BICD1: variants seen among roughly 807,000 people sequenced by gnomAD.
BICD1 encodes protein bicaudal D homolog 1.
Under a neutral mutation model 92.5 loss-of-function variants are expected in BICD1, and 35 were observed. The ratio of observed to expected loss-of-function variants is 0.38; its 90% CI spans 0.29 to 0.50. BICD1 has a LOEUF of 0.50. Among genes scored for constraint, BICD1 ranks in the 20% least tolerant of loss-of-function variants. The probability of loss-of-function intolerance (pLI) is 0.93; values close to 1 mark genes in which losing one functional copy is unlikely to be tolerated. For synonymous variants in BICD1, 429 were observed against 465.1 expected (o/e 0.92, Z 1.00); for missense variants, 950 against 1,189.8 (o/e 0.80, Z 2.97).
chr12:32,356,167 G>A (rs1343352874), intron 8 of BICD1, among the ~76,000 whole-genome samples: 2 of 152,180 alleles, frequency 1.3e-5, no homozygotes, highest in African/African-American at 4.8e-5. Flanking sequence ...AACCCTGCAA[G>A]ATTGGTATTT....
chr12:32,284,697 A>T (rs814243), intron 2 of BICD1, among the ~76,000 whole-genome samples: 2 of 151,950 alleles, frequency 1.3e-5, no homozygotes, highest in Non-Finnish European at 2.9e-5. Context: ...GGTTCCCCAG[A>T]TTGCTTTGTT....
intron 4 of BICD1, among the ~76,000 whole-genome samples, chr12:32,308,262 G>A (rs932961769): frequency 1.1e-4 from 17 of 152,172 alleles, no homozygotes; most frequent in South Asian, 1.0e-3. Context: ...AAGGTTTAGC[G>A]TCTCTGATCC....
At chr12:32,317,234 GCT>G (rs1948528870) in intron 4 of BICD1, among the ~76,000 whole-genome samples, 1 of 152,166 alleles carries the variant, frequency 6.6e-6, no homozygotes, top group Non-Finnish European at 1.5e-5. Flanking sequence ...TAATGGGATG[GCT>G]GGGTCAAATG....
intron 8 of BICD1, among the ~76,000 whole-genome samples, chr12:32,348,706 T>G (rs1938724283): frequency 7.0e-6 from 1 of 143,776 alleles, no homozygotes; most frequent in Admixed American, 7.5e-5. Context: ...GAAATGATGC[T>G]TTCTAGCTCA....
At chr12:32,264,396 G>C (rs1415218430) in intron 2 of BICD1, among the ~76,000 whole-genome samples, 2 of 152,140 alleles carry the variant, frequency 1.3e-5, no homozygotes, top group Non-Finnish European at 2.9e-5. Context: ...TGAATGATTG[G>C]CTATATGTTT....
chr12:32,229,548 C>T (rs186444041), intron 2 of BICD1, among the ~76,000 whole-genome samples: 3 of 152,206 alleles, frequency 2.0e-5, no homozygotes, highest in East Asian at 1.9e-4. Context: ...TCAAACAAGA[C>T]GAGGACATAT....
At chr12:32,201,583 T>C (rs1479330472) in intron 1 of BICD1, among the ~76,000 whole-genome samples, 1 of 152,216 alleles carries the variant, frequency 6.6e-6, no homozygotes, top group Non-Finnish European at 1.5e-5. Context: ...TGAAATGTAT[T>C]ACTTTCAAAC....
chr12:32,117,654 CTT>C (rs1317362355), intron 1 of BICD1, among the ~76,000 whole-genome samples: 1 of 146,926 alleles, frequency 6.8e-6, no homozygotes, highest in African/African-American at 2.5e-5. Flanking sequence ...ATGTGCATGA[CTT>C]TATATTTTGT....
intron 1 of BICD1, among the ~76,000 whole-genome samples, chr12:32,208,574 A>C (rs1945127219): frequency 6.6e-6 from 1 of 152,098 alleles, no homozygotes; most frequent in South Asian, 2.1e-4. Context: ...GGGAGGCCTC[A>C]TGTCTCCTAT....
intron 1 of BICD1, among the ~76,000 whole-genome samples, chr12:32,201,842 C>A (rs1290870480): frequency 6.6e-6 from 1 of 151,518 alleles, no homozygotes; most frequent in Non-Finnish European, 1.5e-5. Context: ...TTATAATAGT[C>A]AGAAAATGTG....
chr12:32,328,484 C>T lies in BICD1; in HGVS notation c.2029C>T (p.Leu677=). ...KEALMEEILK[L]KSLLSTKREQ... ...AGCCTTAATGGAAGAGATCCTCAAG[C>T]TAAAGTCCCTGCTGAGCACCAAACG... Residue 677 remains leucine (L), a synonymous_variant, in exon 5 of 10, where the codon CTA becomes TTA. Transcript: ENST00000652176. The surrounding 1 kb of genome is among the most constrained non-coding windows in gnomAD (Gnocchi z 4.4). 1.2e-6 allele frequency: 2 copies of T among 1,614,214 alleles called. No homozygotes were observed. Among genetic ancestry groups the T allele is most frequent in the Non-Finnish European group, 8.5e-7 (1 of 1,180,046 alleles).
chr12:32,180,164 G>T (rs986549234), intron 1 of BICD1, among the ~76,000 whole-genome samples: 4 of 151,776 alleles, frequency 2.6e-5, no homozygotes, highest in African/African-American at 9.7e-5. Flanking sequence ...GTTAAGTATA[G>T]ATGTGGCCGT....
intron 1 of BICD1, among the ~76,000 whole-genome samples, chr12:32,121,857 A>G (rs963310715): frequency 4.7e-5 from 7 of 147,758 alleles, no homozygotes; most frequent in Non-Finnish European, 8.9e-5. Context: ...TCTCTTGCCC[A>G]GGCTGGAGTG....
chr12:32,233,781 G>C (rs1945974928), intron 2 of BICD1, among the ~76,000 whole-genome samples: 1 of 152,084 alleles, frequency 6.6e-6, no homozygotes, highest in Non-Finnish European at 1.5e-5. Context: ...CATTCCATCT[G>C]GGATGCTTAC....
chr12:32,107,571 C>T, intron 1 of BICD1, 27 bp downstream of exon 1: 1 of 1,554,578 alleles, frequency 6.4e-7, no homozygotes, highest in Non-Finnish European at 8.7e-7. Flanking sequence ...CTCTCCCTTT[C>T]CTGGCCCTCA....
At chr12:32,154,761 A>T (rs1195076740) in intron 1 of BICD1, among the ~76,000 whole-genome samples, 1 of 152,194 alleles carries the variant, frequency 6.6e-6, no homozygotes, top group Non-Finnish European at 1.5e-5. Context: ...ATCAAAGTAG[A>T]TGTTCATTTT....
chr12:32,255,396 A>G (rs1284817985), intron 2 of BICD1, among the ~76,000 whole-genome samples: 1 of 152,162 alleles, frequency 6.6e-6, no homozygotes, highest in East Asian at 1.9e-4. Context: ...TGTGCCAGTC[A>G]TCTGGACAGA....
At chr12:32,263,752 A>T (rs1946919919) in intron 2 of BICD1, among the ~76,000 whole-genome samples, 1 of 152,164 alleles carries the variant, frequency 6.6e-6, no homozygotes, top group Non-Finnish European at 1.5e-5. Flanking sequence ...GTGATATATT[A>T]TGGATGTTTT....
At chr12:32,187,970 G>A (rs932896015) in intron 1 of BICD1, among the ~76,000 whole-genome samples, 8 of 150,458 alleles carry the variant, frequency 5.3e-5, no homozygotes, top group African/African-American at 2.0e-4. Context: ...ACGGAGTCTC[G>A]CTCTGTTGCC....
Sources: allele counts gnomAD v4.1 joint callset (sites outside exome capture counted in the v4.1 genomes callset), GRCh38; gene constraint gnomAD v4.1.1; non-coding constraint Gnocchi (gnomAD v3.1); transcripts MANE v1.5; gene names NCBI Gene and HGNC (gene_info 2026-07-23, HGNC 2026-07-21).